Variants in GALNT13 observed in about 807,000 individuals in gnomAD.
GALNT13 encodes the protein polypeptide N-acetylgalactosaminyltransferase 13.
A neutral mutation model predicts 64.2 loss-of-function variants in GALNT13; 28 were observed. The observed-to-expected ratio is 0.44, with a 90% CI of 0.32 to 0.60. The LOEUF (loss-of-function observed/expected upper bound fraction) is 0.60, where lower values mean the gene tolerates loss of function less well. GALNT13 is among the 20% of genes least tolerant of loss of function. The pLI, the probability that GALNT13 is intolerant of heterozygous loss-of-function variation, is 0.05. For synonymous variants in GALNT13, 214 were observed against 224.6 expected, an observed-to-expected ratio of 0.95 and a Z score of 0.42; for missense variants, 577 against 669.8, an observed-to-expected ratio of 0.86 and a Z score of 1.53.
the GALNT13 span, among the ~76,000 whole-genome samples, chr2:153,177,138 C>T: frequency 4.0e-3 from 2 of 504 alleles, no homozygotes; most frequent in African/African-American, 0.028. Context: ...GTAACATATG[C>T]AAAACATGGA....
At chr2:154,100,064 T>A (rs1298261541) in intron 3 of GALNT13, among the ~76,000 whole-genome samples, 7 of 152,162 alleles carry the variant, frequency 4.6e-5, no homozygotes, top group Non-Finnish European at 7.4e-5. Flanking sequence ...ATTTCATTGA[T>A]CTCTGTCTCT....
the GALNT13 span, among the ~76,000 whole-genome samples, chr2:153,079,702 C>G: frequency 6.6e-6 from 1 of 152,032 alleles, no homozygotes; most frequent in Non-Finnish European, 1.5e-5. Flanking sequence ...TTCAGCAGGC[C>G]CTAGGCCATA....
chr2:153,159,306 G>C, the GALNT13 span: 2 of 152,154 alleles, frequency 1.3e-5, no homozygotes, highest in Non-Finnish European at 2.9e-5. Flanking sequence ...TGGAGAATTT[G>C]CTGATAAACT....
Position 153,906,850 on chromosome 2 carries a change from A to C in GALNT13, c.-105+5843A>C, listed in dbSNP as rs28861704. Among the ~76,000 whole-genome samples, 1,111 of 151,964 alleles carry C rather than the reference A, an allele frequency of 7.3e-3. 9 individuals carry two copies. The highest frequency in any genetic ancestry group is 0.026 in the African/African-American group (1,061 of 41,418). On this transcript the variant is annotated intron_variant, in intron 2 of 12. Coordinates refer to ENST00000392825, the MANE Select transcript of GALNT13 (RefSeq NM_052917.4). ...ACTTCCACAATGGCTGAACTAGTTTACAGTCCCACCAACAGTGTAAAAGTG... is the reference window on the plus strand; with the variant it reads ...ACTTCCACAATGGCTGAACTAGTTTCCAGTCCCACCAACAGTGTAAAAGTG...
the GALNT13 span, among the ~76,000 whole-genome samples, chr2:153,397,360 C>G: frequency 6.6e-6 from 1 of 152,002 alleles, no homozygotes. Context: ...GTGCTATGTT[C>G]TATGCCTTAA....
At chr2:153,559,398 C>T in the GALNT13 span, among the ~76,000 whole-genome samples, 1 of 152,078 alleles carries the variant, frequency 6.6e-6, no homozygotes, top group African/African-American at 2.4e-5. Flanking sequence ...TGTAGTCTGT[C>T]GAATGTCAGT....
At chr2:154,435,318 T>A (rs1392764464) in intron 11 of GALNT13, among the ~76,000 whole-genome samples, 1 of 152,222 alleles carries the variant, frequency 6.6e-6, no homozygotes, top group Non-Finnish European at 1.5e-5. Flanking sequence ...TAAGGTAAAG[T>A]GCTTCATTGG....
chr2:154,126,523 C>T (rs1682275242), intron 3 of GALNT13, among the ~76,000 whole-genome samples: 2 of 151,406 alleles, frequency 1.3e-5, no homozygotes, highest in South Asian at 2.1e-4. Flanking sequence ...TAGTCCCAGC[C>T]ACCAGGGAGG....
the GALNT13 span, among the ~76,000 whole-genome samples, chr2:153,805,555 A>G: frequency 6.6e-6 from 1 of 152,106 alleles, no homozygotes; most frequent in African/African-American, 2.4e-5. Context: ...CGTTAACTAT[A>G]TAGTTACTTG....
chr2:153,390,395 G>A, the GALNT13 span, among the ~76,000 whole-genome samples: 1 of 151,996 alleles, frequency 6.6e-6, no homozygotes. Flanking sequence ...AACCACCAGG[G>A]CATGTGTATA....
the GALNT13 span, among the ~76,000 whole-genome samples, chr2:153,356,374 G>T: frequency 6.6e-6 from 1 of 152,178 alleles, no homozygotes; most frequent in Non-Finnish European, 1.5e-5. Context: ...CTTTGAATGG[G>T]ATAGAAAGGT....
intron 4 of GALNT13, among the ~76,000 whole-genome samples, chr2:154,145,716 A>T (rs188889429): frequency 6.6e-6 from 1 of 152,182 alleles, no homozygotes; most frequent in African/African-American, 2.4e-5. Context: ...GCTGTAGCAT[A>T]CAAATTTTGA....
At chr2:154,172,659 T>C (rs973787089) in intron 4 of GALNT13, among the ~76,000 whole-genome samples, 9 of 151,954 alleles carry the variant, frequency 5.9e-5, no homozygotes, top group African/African-American at 2.4e-5. Flanking sequence ...AGAGTGTGTG[T>C]GTGTGTGTGT....
At chr2:153,691,215 C>T in the GALNT13 span, among the ~76,000 whole-genome samples, 1 of 151,874 alleles carries the variant, frequency 6.6e-6, no homozygotes, top group Non-Finnish European at 1.5e-5. Flanking sequence ...AAGTCAGAGA[C>T]AAAATATTAT....
the GALNT13 span, among the ~76,000 whole-genome samples, chr2:153,695,382 C>G: frequency 6.6e-6 from 1 of 152,150 alleles, no homozygotes. Flanking sequence ...TGCAAACAGG[C>G]CTTTCTAAAT....
chr2:153,077,066 C>T, the GALNT13 span, among the ~76,000 whole-genome samples: 1 of 152,194 alleles, frequency 6.6e-6, no homozygotes, highest in East Asian at 1.9e-4. Context: ...ATTCTCCTGC[C>T]TCAGCCTCCC....
At chr2:153,595,984 C>A in the GALNT13 span, among the ~76,000 whole-genome samples, 2,772 of 152,212 alleles carry the variant, frequency 0.018, 83 homozygotes, top group African/African-American at 0.064. Flanking sequence ...GTGGTTCTTG[C>A]ATGCATTTCT....
At chr2:154,358,610 TTTTA>T (rs1354917147) in intron 9 of GALNT13, among the ~76,000 whole-genome samples, 1 of 151,988 alleles carries the variant, frequency 6.6e-6, no homozygotes, top group Non-Finnish European at 1.5e-5. Flanking sequence ...GATCCATGGG[TTTTA>T]TTTGCTTTTT....
At chr2:153,526,140 G>A in the GALNT13 span, among the ~76,000 whole-genome samples, 1 of 152,266 alleles carries the variant, frequency 6.6e-6, no homozygotes, top group African/African-American at 2.4e-5. Context: ...TCACCCTGAA[G>A]TGAAGGACAC....
Sources: allele counts gnomAD v4.1 joint callset (sites outside exome capture counted in the v4.1 genomes callset), GRCh38; gene constraint gnomAD v4.1.1; transcripts MANE v1.5; gene names NCBI Gene and HGNC (gene_info 2026-07-23, HGNC 2026-07-21).